The following MED13L variants were observed in gnomAD, a reference collection of about 807,000 sequenced individuals.
The protein encoded by MED13L is mediator complex subunit 13L.
Under a neutral mutation model 220.9 loss-of-function variants are expected in MED13L, and 7 were observed. The observed-to-expected ratio is 0.03, with a 90% confidence interval of 0.02 to 0.06. MED13L has a LOEUF of 0.06. MED13L is among the 10% of genes least tolerant of loss of function. The pLI, the probability that MED13L is intolerant of heterozygous loss-of-function variation, is 1.00. For synonymous variants in MED13L, 1,011 were observed against 1,015.2 expected, an observed-to-expected ratio of 1.00 and a Z score of 0.08; for missense variants, 1,965 against 2,760.5, an observed-to-expected ratio of 0.71 and a Z score of 6.46.
chr12:115,993,955 G>C (rs1244663382), intron 16 of MED13L, among the ~76,000 whole-genome samples: 1 of 152,198 alleles, frequency 6.6e-6, no homozygotes, highest in Non-Finnish European at 1.5e-5. Flanking sequence ...AGTCCAGGGT[G>C]ATGGCGAGCA....
At chr12:116,185,822 T>C (rs1349263074) in intron 2 of MED13L, among the ~76,000 whole-genome samples, 1 of 152,038 alleles carries the variant, frequency 6.6e-6, no homozygotes, top group Non-Finnish European at 1.5e-5. Flanking sequence ...GCCTCCTGAG[T>C]AGCTGGGATT....
At chr12:116,155,928 A>C (rs934707170) in intron 2 of MED13L, among the ~76,000 whole-genome samples, 2 of 152,124 alleles carry the variant, frequency 1.3e-5, no homozygotes, top group Admixed American at 6.6e-5. Flanking sequence ...AGAAATAGTA[A>C]GGTGGAGGGT....
At chr12:116,029,314 T>TA (rs201810953) in intron 4 of MED13L, among the ~76,000 whole-genome samples, 1,927 of 149,720 alleles carry the variant, frequency 0.013, 21 homozygotes, top group Middle Eastern at 0.024. Flanking sequence ...AGGAAAGTGG[T>TA]AAAAAACCAT....
intron 4 of MED13L, among the ~76,000 whole-genome samples, chr12:116,085,756 A>T (rs1871620854): frequency 3.2e-5 from 1 of 31,264 alleles, no homozygotes; most frequent in Non-Finnish European, 6.7e-5. Flanking sequence ...AAAATCACTC[A>T]CACACACACA....
intron 2 of MED13L, among the ~76,000 whole-genome samples, chr12:116,165,174 G>A (rs755883124): frequency 6.0e-5 from 9 of 148,826 alleles, no homozygotes. Flanking sequence ...AAACATGACA[G>A]AATCTGTCTC....
At chr12:116,036,818 C>T (rs1376168422) in intron 4 of MED13L, among the ~76,000 whole-genome samples, 1 of 152,154 alleles carries the variant, frequency 6.6e-6, no homozygotes, top group Admixed American at 6.5e-5. Flanking sequence ...AGGTCCTTTG[C>T]TTGCAGGTAT....
chr12:116,120,864 A>T (rs551125774), intron 2 of MED13L, among the ~76,000 whole-genome samples: 1 of 152,278 alleles, frequency 6.6e-6, no homozygotes, highest in East Asian at 1.9e-4. Context: ...ATAATGGGAG[A>T]ATTTTCCTAA....
rs930290361 is a variant in MED13L at position 116,118,075 on chromosome 12, C to G, written c.311-6563G>C. ...CCTTCTGCCTCAGACTCCCAAAGTG[C>G]TGGGATTACAGGTGTCAGCCACTGC... is the stretch of plus-strand genomic sequence containing the variant. On this transcript the variant is annotated intron_variant, in intron 2 of 30. Transcript: ENST00000281928. Among the ~76,000 whole-genome samples the G allele has an allele frequency of 5.9e-5, 9 of 152,272 alleles. No homozygotes were observed. In the East Asian group the frequency reaches 1.7e-3, roughly 29 times the overall value.
At position 116,264,831 on chromosome 12, in the gene MED13L, T is replaced by A. The variant is rs187156039; in HGVS notation, c.72+12229A>T. Among the ~76,000 whole-genome samples the A allele has an allele frequency of 5.7e-3, 868 of 152,242 alleles. 4 individuals are homozygous for A. The highest frequency in any genetic ancestry group is 0.011 in the Admixed American group (169 of 15,282). ...CTTGCTTCACAATCAACCTTCTGAA[T>A]CAAACTTAAAAGTAAGCTGCACACA... On this transcript the variant is annotated intron_variant, in intron 1 of 30. Coordinates refer to ENST00000281928, the MANE Select transcript of MED13L (RefSeq NM_015335.5).
intron 4 of MED13L, among the ~76,000 whole-genome samples, chr12:116,065,781 A>G (rs952607873): frequency 6.6e-6 from 1 of 152,212 alleles, no homozygotes; most frequent in East Asian, 1.9e-4. Flanking sequence ...AGTCAGATAC[A>G]TTATTTTATT....
At chr12:116,031,722 A>AAG (rs1880798070) in intron 4 of MED13L, among the ~76,000 whole-genome samples, 1 of 84,024 alleles carries the variant, frequency 1.2e-5, no homozygotes, top group Non-Finnish European at 2.1e-5. Flanking sequence ...AAAGAAAAGA[A>AAG]AAGAAAAGAA....
intron 4 of MED13L, among the ~76,000 whole-genome samples, chr12:116,085,208 C>A (rs986677763): frequency 6.6e-6 from 1 of 152,128 alleles, no homozygotes; most frequent in Non-Finnish European, 1.5e-5. Flanking sequence ...CACAATCCAG[C>A]ATGACAGGGC....
At chr12:116,039,758 T>C (rs1881411010) in intron 4 of MED13L, among the ~76,000 whole-genome samples, 2 of 151,886 alleles carry the variant, frequency 1.3e-5, no homozygotes, top group Admixed American at 6.6e-5. Context: ...GCAGTGGAGA[T>C]GAAAAAAGCA....
At chr12:116,263,978 T>C (rs1174379663) in intron 1 of MED13L, among the ~76,000 whole-genome samples, 6 of 152,192 alleles carry the variant, frequency 3.9e-5, no homozygotes, top group Non-Finnish European at 2.9e-5. Context: ...CAAGCAAGGC[T>C]GGAATTCCTG....
At chr12:116,274,201 G>T (rs1293446590) in intron 1 of MED13L, among the ~76,000 whole-genome samples, 1 of 152,008 alleles carries the variant, frequency 6.6e-6, no homozygotes, top group African/African-American at 2.4e-5. Context: ...ATTTGATTCC[G>T]TGCAGTAAAA....
intron 1 of MED13L, among the ~76,000 whole-genome samples, chr12:116,244,572 C>A (rs1446916268): frequency 6.6e-6 from 1 of 152,172 alleles, no homozygotes; most frequent in Non-Finnish European, 1.5e-5. Context: ...TCCCCTCAGC[C>A]TCAGGAATTA....
intron 2 of MED13L, among the ~76,000 whole-genome samples, chr12:116,225,239 T>C (rs1318914507): frequency 6.6e-6 from 1 of 152,224 alleles, no homozygotes; most frequent in East Asian, 1.9e-4. Context: ...TTGCTGTATT[T>C]AAGTCATTTA....
chr12:116,015,032 T>C, intron 8 of MED13L, 77 bp downstream of exon 8: 1 of 1,422,706 alleles, frequency 7.0e-7, no homozygotes, highest in Non-Finnish European at 9.9e-7. Context: ...AATAGTGCAA[T>C]GTGATTGACA....
At chr12:115,993,497 C>G (rs925929142) in intron 16 of MED13L, among the ~76,000 whole-genome samples, 1 of 151,808 alleles carries the variant, frequency 6.6e-6, no homozygotes, top group South Asian at 2.1e-4. Context: ...AAGTCCAAAT[C>G]AGGCACTGTA....
Sources: gnomAD v4.1 joint callset for allele counts (sites outside exome capture counted in the v4.1 genomes callset) on GRCh38, gnomAD v4.1.1 for gene constraint, MANE v1.5 for transcripts, NCBI Gene and HGNC (gene_info 2026-07-23, HGNC 2026-07-21) for gene names.